The following PLAT variants were observed in gnomAD, a reference collection of about 807,000 sequenced individuals.
PLAT encodes plasminogen activator, tissue type, also known as tissue-type plasminogen activator.
A neutral mutation model predicts 74.9 loss-of-function variants in PLAT; 48 were observed. The observed-to-expected ratio is 0.64, with a 90% confidence interval of 0.51 to 0.82. The LOEUF is 0.82. PLAT is among the 40% of genes least tolerant of loss of function. The probability of loss-of-function intolerance (pLI) is 0.00; values close to 1 mark genes in which losing one functional copy is unlikely to be tolerated. For missense variants in PLAT, 673 were observed against 736.2 expected (o/e 0.91, Z 0.99); for synonymous variants, 307 against 294.4 (o/e 1.04, Z -0.44).
At chr8:42,206,304 A>G (rs1212350416) in intron 1 of PLAT, among the ~76,000 whole-genome samples, 1 of 152,170 alleles carries the variant, frequency 6.6e-6, no homozygotes, top group Non-Finnish European at 1.5e-5. Context: ...AGCTATTCAT[A>G]TCTCAATACT....
At chr8:42,186,675 T>G (rs1805470118) in intron 6 of PLAT, 1 of 152,192 alleles carries the variant, frequency 6.6e-6, no homozygotes, top group Non-Finnish European at 1.5e-5. Flanking sequence ...TCTCAGATAC[T>G]TTGGGTTCAC....
intron 1 of PLAT, among the ~76,000 whole-genome samples, chr8:42,196,883 G>C (rs1405581436): frequency 1.3e-5 from 2 of 151,968 alleles, no homozygotes; most frequent in East Asian, 3.9e-4. Context: ...GGTAGGAAGG[G>C]AGGCACAGAA....
At position 42,178,948 on chromosome 8, in the gene PLAT, A is replaced by T. The variant is rs62001886; in HGVS notation, c.1479T>A (p.Ala493=). ...NRTVTDNMLC[A]GDTRSGGPQA... is the part of the protein sequence containing the mutation. ...GGGGCCCGCCGCTCCGAGTGTCTCC[A>T]GCACACAGCATGTTGTCGGTGACTG... is the stretch of plus-strand genomic sequence containing the variant. Residue 493 remains alanine, a synonymous_variant, in exon 13 of 14, where the codon GCT becomes GCA. Transcript: ENST00000220809. 7.5e-4 allele frequency: 1,211 copies of T among 1,614,116 alleles called. 3 individuals are homozygous for T. In the African/African-American group the frequency reaches 0.013, roughly 17 times the overall value.
intron 9 of PLAT, 27 bp from the exon 10 acceptor site, chr8:42,180,712 T>C: frequency 1.3e-6 from 2 of 1,529,982 alleles, no homozygotes; most frequent in Non-Finnish European, 1.8e-6. Context: ...GAGGAGGCAG[T>C]CAGTCCCACA....
chr8:42,205,170 C>A (rs1806284008), intron 1 of PLAT, among the ~76,000 whole-genome samples: 1 of 152,210 alleles, frequency 6.6e-6, no homozygotes, highest in East Asian at 1.9e-4. Flanking sequence ...TCAAAGTCAT[C>A]CCTCTGCTCA....
At chr8:42,189,149 A>C (rs866679746) in intron 3 of PLAT, 78 bp from the exon 4 acceptor site, 23 of 1,481,218 alleles carry the variant, frequency 1.6e-5, no homozygotes, top group Non-Finnish European at 2.0e-5. Context: ...CCTACTGAGA[A>C]AACTCCCTCA....
Position 42,187,930 on chromosome 8 carries a change from A to T in PLAT, c.340T>A (p.Phe114Ile). 1 of 1,612,332 alleles carries T rather than the reference A, an allele frequency of 6.2e-7. No homozygotes were observed. The highest frequency in any genetic ancestry group is 8.5e-7 in the Non-Finnish European group (1 of 1,178,408). The change falls in exon 5 of 14, where the codon TTT (phenylalanine) becomes ATT (isoleucine). Residue 114 changes from phenylalanine (F) to isoleucine (I), a missense_variant. Physicochemically the swap from Phe to Ile is conservative, Grantham distance 21 (BLOSUM62 0). Coordinates refer to ENST00000220809, the MANE Select transcript of PLAT (RefSeq NM_000930.5). ...SDFVCQCPEG[F>I]AGKCCEIDTR... ...CCTATTTCACAGCACTTCCCAGCAAATCCTTCGGGGCACTGGCACACGAAA... is the reference window on the plus strand; with the variant it reads ...CCTATTTCACAGCACTTCCCAGCAATTCCTTCGGGGCACTGGCACACGAAA...
intron 1 of PLAT, among the ~76,000 whole-genome samples, chr8:42,203,356 G>T (rs568078738): frequency 2.0e-5 from 3 of 152,172 alleles, no homozygotes; most frequent in Non-Finnish European, 4.4e-5. Context: ...TCGCTGCTGG[G>T]TCTTGGCCAT....
intron 8 of PLAT, chr8:42,182,487 A>G (rs1805288568): frequency 4.8e-6 from 2 of 414,006 alleles, no homozygotes; most frequent in Non-Finnish European, 8.6e-6. Flanking sequence ...TGAGGACTAA[A>G]TGGTTACAGG....
At chr8:42,191,313 C>A in intron 3 of PLAT, 59 bp downstream of exon 3, 1 of 1,452,620 alleles carries the variant, frequency 6.9e-7, no homozygotes, top group Non-Finnish European at 9.7e-7. Flanking sequence ...GTGATGCACC[C>A]TGCACCCCGC....
At chr8:42,191,560 C>G (rs1451560443) in intron 2 of PLAT, 146 bp from the exon 3 acceptor site, 1 of 695,832 alleles carries the variant, frequency 1.4e-6, no homozygotes, top group Non-Finnish European at 2.6e-6. Context: ...AAGTGAAAGT[C>G]CATCTCCTGC....
rs5891180 is a variant in PLAT, at chr8:42,178,264, CTTTTTTTTT to C, written c.1530+624_1530+632del. Reference sequence around the variant, plus strand: ...TGCCAACAGAGGCAAACATTTCTTTCTTTTTTTTTTTTTTTTTTTTTTTGAGATCGAGTT... The same window carrying C: ...TGCCAACAGAGGCAAACATTTCTTTCTTTTTTTTTTTTTTGAGATCGAGTT... On this transcript the variant is annotated intron_variant, in intron 13 of 13. Coordinates refer to ENST00000220809, the MANE Select transcript of PLAT (RefSeq NM_000930.5). 6.4e-5 allele frequency among the ~76,000 whole-genome samples: 7 copies of C among 110,048 alleles called. No homozygotes were observed. The South Asian group carries it at 1.3e-3, about 21-fold the overall frequency. The allele number at this position is 110,048 out of a possible 152,430, so 72.2% of individuals were successfully genotyped here. A position where few individuals can be genotyped will look rare whatever the true frequency, so the allele number is the denominator to read the frequency against.
chr8:42,189,856 C>T (rs1430162996), intron 3 of PLAT, among the ~76,000 whole-genome samples: 1 of 151,892 alleles, frequency 6.6e-6, no homozygotes, highest in Non-Finnish European at 1.5e-5. Flanking sequence ...ACCTCGGTCT[C>T]CCAAAGTGCT....
At chr8:42,188,606 T>G in intron 4 of PLAT, 1 of 251,534 alleles carries the variant, frequency 4.0e-6, no homozygotes, top group Non-Finnish European at 7.7e-6. Context: ...GTACTGGGCT[T>G]TTCTGTGTTT....
chr8:42,184,930 C>T (rs558866892), intron 7 of PLAT, 151 bp downstream of exon 7: 5 of 548,650 alleles, frequency 9.1e-6, no homozygotes, highest in South Asian at 7.5e-5. Flanking sequence ...AGGCACAGAC[C>T]TAAGTCCTGT....
At chr8:42,178,578 C>T (rs1364464798) in intron 13 of PLAT, among the ~76,000 whole-genome samples, 6 of 152,162 alleles carry the variant, frequency 3.9e-5, no homozygotes, top group Admixed American at 2.6e-4. Flanking sequence ...CTGAGGCAAA[C>T]GTTTCTTAAT....
At chr8:42,206,149 C>A (rs781620945) in intron 1 of PLAT, among the ~76,000 whole-genome samples, 1 of 152,190 alleles carries the variant, frequency 6.6e-6, no homozygotes, top group Admixed American at 6.5e-5. Flanking sequence ...CTTGGGGAGT[C>A]GGGCAGAGAA....
chr8:42,201,658 T>G (rs544671046), intron 1 of PLAT, among the ~76,000 whole-genome samples: 2 of 152,278 alleles, frequency 1.3e-5, no homozygotes, highest in South Asian at 4.1e-4. Flanking sequence ...CAGGGTGATG[T>G]CTTTAATCTG....
chr8:42,189,108 A>G (rs1353672399), intron 3 of PLAT, 37 bp from the exon 4 acceptor site: 9 of 1,599,508 alleles, frequency 5.6e-6, no homozygotes, highest in Middle Eastern at 1.7e-4. Flanking sequence ...TCAGAGTATG[A>G]CTCAAAATGA....
Sources: allele counts gnomAD v4.1 joint callset (sites outside exome capture counted in the v4.1 genomes callset), GRCh38; gene constraint gnomAD v4.1.1; transcripts MANE v1.5; gene names NCBI Gene and HGNC (gene_info 2026-07-23, HGNC 2026-07-21).